Variants in CAPZB observed in about 807,000 individuals in gnomAD.
The protein encoded by CAPZB is F-actin-capping protein subunit beta.
Under a neutral mutation model 38.1 loss-of-function variants are expected in CAPZB, and 2 were observed. That is an observed-to-expected ratio of 0.05 (90% CI 0.02 to 0.17). The LOEUF (loss-of-function observed/expected upper bound fraction) is 0.17. CAPZB is among the 10% of genes least tolerant of loss of function. CAPZB has a pLI of 1.00. For synonymous variants in CAPZB, 107 were observed against 127.4 expected (o/e 0.84, Z 1.08); for missense variants, 161 against 334.2 (o/e 0.48, Z 4.04).
chr1:19,485,488 C>T lies in CAPZB; in HGVS notation c.-50G>A, dbSNP rs1287983030. On this transcript the variant is annotated 5_prime_UTR_variant, in exon 1 of 9. Coordinates refer to ENST00000264202, the MANE Select transcript of CAPZB (RefSeq NM_004930.5). ...GGTCCCGGCGTCAGTGGCTCTCCCC[C>T]CCGCAGCAGGGCCCGGCGCTTCCAC... is the stretch of plus-strand genomic sequence containing the variant. The T allele has an allele frequency of 1.6e-5, 20 of 1,228,150 alleles. No individual in the cohort carries two copies. The South Asian group carries it at 2.5e-4, about 15-fold the overall frequency. 76.1% of individuals were successfully genotyped at this position (1,228,150 alleles called of 1,614,324 possible).
intron 2 of CAPZB, among the ~76,000 whole-genome samples, chr1:19,413,318 T>A (rs61766734): frequency 0.038 from 5,797 of 152,320 alleles, 130 homozygotes; most frequent in African/African-American, 0.049. Flanking sequence ...TTACTTCAGC[T>A]GAGACCCTTT....
At chr1:19,447,707 AGCACCCTGGGAGCTGGT>A (rs973595667) in intron 1 of CAPZB, among the ~76,000 whole-genome samples, 4 of 152,172 alleles carry the variant, frequency 2.6e-5, no homozygotes, top group African/African-American at 9.7e-5. Flanking sequence ...GTGGCACAGC[AGCACCCTGGGAGCTGGT>A]GGAGGAGGGC....
intron 4 of CAPZB, among the ~76,000 whole-genome samples, chr1:19,362,655 AAAAG>A (rs896980573): frequency 3.3e-4 from 50 of 152,298 alleles, no homozygotes; most frequent in African/African-American, 9.9e-4. Context: ...AAAAAAAGAA[AAAAG>A]AAAGAAAAAA....
rs563439352 is a variant in CAPZB at position 19,470,544 on chromosome 1, T to C, written c.3+14892A>G. Among the ~76,000 whole-genome samples the C allele has an allele frequency of 4.6e-5, 7 of 152,352 alleles. No homozygotes were observed. In the South Asian group the frequency reaches 1.4e-3, roughly 32 times the overall value. ...GAGCTTTGAAACAGGCCTAAGTTTA[T>C]GTGGCAGAAAAGACTCACACAAGAG... On this transcript the variant is annotated intron_variant, in intron 1 of 8. Transcript: ENST00000264202.
At chr1:19,484,473 C>A in intron 1 of CAPZB, 3 of 1,446,776 alleles carry the variant, frequency 2.1e-6, no homozygotes, top group Non-Finnish European at 2.7e-6. Flanking sequence ...CGGCGGCAGC[C>A]TCGAGAAGGG....
At chr1:19,440,832 G>A (rs72947509) in intron 1 of CAPZB, among the ~76,000 whole-genome samples, 31,709 of 152,140 alleles carry the variant, frequency 0.21, 4,393 homozygotes, top group African/African-American at 0.39. Flanking sequence ...AGGCCGAGGA[G>A]GGCAGATCAC....
intron 1 of CAPZB, among the ~76,000 whole-genome samples, chr1:19,468,649 G>C (rs1212220084): frequency 2.2e-4 from 34 of 152,240 alleles, no homozygotes; most frequent in Non-Finnish European, 2.9e-5. Context: ...CTTCCACCCA[G>C]GACTTCCTTC....
At position 19,415,807 on chromosome 1, in the gene CAPZB, G is replaced by C. The variant is rs181566517; in HGVS notation, c.93+3854C>G. ...ACCTGCCTTGGCCTCCCAAAGTGCTGGGATTACAGGCATGGGCCGCCGCGC... is the reference window on the plus strand; with the variant it reads ...ACCTGCCTTGGCCTCCCAAAGTGCTCGGATTACAGGCATGGGCCGCCGCGC... On this transcript the variant is annotated intron_variant, in intron 2 of 8. Transcript: ENST00000264202. Among the ~76,000 whole-genome samples the C allele has an allele frequency of 1.3e-3, 193 of 152,350 alleles. 1 individual carries two copies. The highest frequency in any genetic ancestry group is 4.6e-3 in the African/African-American group (190 of 41,586).
intron 4 of CAPZB, among the ~76,000 whole-genome samples, chr1:19,367,929 C>T (rs1389730139): frequency 2.0e-5 from 3 of 152,158 alleles, no homozygotes; most frequent in Admixed American, 1.3e-4. Flanking sequence ...GGCACCACTG[C>T]GACTGTCTTC....
chr1:19,481,871 G>A (rs753741003), intron 1 of CAPZB, among the ~76,000 whole-genome samples: 3 of 152,164 alleles, frequency 2.0e-5, no homozygotes, highest in East Asian at 1.9e-4. Flanking sequence ...TTTAGGTAAC[G>A]ATGACATCCC....
At chr1:19,348,638 A>G (rs1231692621) in intron 6 of CAPZB, among the ~76,000 whole-genome samples, 1 of 151,956 alleles carries the variant, frequency 6.6e-6, no homozygotes, top group Non-Finnish European at 1.5e-5. Flanking sequence ...GTGAGAGAAC[A>G]TCACGGCTCA....
chr1:19,385,745 G>A lies in CAPZB; in HGVS notation c.94-119C>T, dbSNP rs750472553. On this transcript the variant is annotated intron_variant, in intron 2 of 8. Coordinates refer to ENST00000264202, the MANE Select transcript of CAPZB (RefSeq NM_004930.5). Reference sequence around the variant, plus strand: ...CCTTTAACATCTGGCCCTGGGCACTGAGACAAAATTATGGGCCTGTTCTTT... The same window carrying A: ...CCTTTAACATCTGGCCCTGGGCACTAAGACAAAATTATGGGCCTGTTCTTT... 7 of 1,183,140 alleles carry A rather than the reference G, an allele frequency of 5.9e-6. No homozygotes were observed. In the South Asian group the frequency reaches 7.3e-5, roughly 12 times the overall value. The allele number at this position is 1,183,140 out of a possible 1,614,324, so 73.3% of individuals were successfully genotyped here. A position where few individuals can be genotyped will look rare whatever the true frequency, so the allele number is the denominator to read the frequency against.
chr1:19,447,419 G>T (rs1477909191), intron 1 of CAPZB, among the ~76,000 whole-genome samples: 1 of 137,474 alleles, frequency 7.3e-6, no homozygotes, highest in Non-Finnish European at 1.5e-5. Flanking sequence ...ATTTTTAGTA[G>T]AGATGGGGTT....
intron 6 of CAPZB, among the ~76,000 whole-genome samples, chr1:19,347,551 T>C (rs1396017249): frequency 2.0e-5 from 3 of 152,098 alleles, no homozygotes; most frequent in Non-Finnish European, 4.4e-5. Context: ...CCACCAAAAA[T>C]AGAACCATTT....
chr1:19,478,292 C>T (rs983831042), intron 1 of CAPZB, among the ~76,000 whole-genome samples: 1 of 152,196 alleles, frequency 6.6e-6, no homozygotes, highest in African/African-American at 2.4e-5. Flanking sequence ...AAATGAAACA[C>T]CACCTATCAT....
chr1:19,346,869 G>A (rs1439060780), intron 6 of CAPZB, among the ~76,000 whole-genome samples: 1 of 146,590 alleles, frequency 6.8e-6, no homozygotes, highest in Non-Finnish European at 1.5e-5. Context: ...TGTCGCCCAG[G>A]CTGGAGTGCA....
At chr1:19,448,993 T>C (rs535763521) in intron 1 of CAPZB, 6 of 1,587,974 alleles carry the variant, frequency 3.8e-6, no homozygotes, top group Middle Eastern at 1.8e-4. Flanking sequence ...AAACATGACG[T>C]GACTAGGGAC....
chr1:19,368,216 C>A (rs1462166313), intron 4 of CAPZB, among the ~76,000 whole-genome samples: 1 of 152,144 alleles, frequency 6.6e-6, no homozygotes, highest in Non-Finnish European at 1.5e-5. Flanking sequence ...ATATTCTGCC[C>A]CATGCCAGGC....
chr1:19,353,671 G>C (rs924390520), intron 6 of CAPZB, among the ~76,000 whole-genome samples: 10 of 152,272 alleles, frequency 6.6e-5, no homozygotes, highest in South Asian at 4.1e-4. Context: ...GCCACCTTCT[G>C]AAAACACAGA....
Sources: allele counts gnomAD v4.1 joint callset (sites outside exome capture counted in the v4.1 genomes callset), GRCh38; gene constraint gnomAD v4.1.1; transcripts MANE v1.5; gene names NCBI Gene and HGNC (gene_info 2026-07-23, HGNC 2026-07-21).